UNC79: variants seen among roughly 807,000 people sequenced by gnomAD.
The protein encoded by UNC79 is unc-79 subunit of NALCN channel complex, also known as protein unc-79 homolog.
Under a neutral mutation model 283.1 loss-of-function variants are expected in UNC79, and 37 were observed. The ratio of observed to expected loss-of-function variants is 0.13; its 90% confidence interval spans 0.10 to 0.17. The LOEUF (loss-of-function observed/expected upper bound fraction) is 0.17, where lower values mean the gene tolerates loss of function less well. Ranked by LOEUF, UNC79 falls within the 10% of genes least tolerant of loss-of-function variation. The probability of loss-of-function intolerance (pLI) is 1.00; values close to 1 mark genes in which losing one functional copy is unlikely to be tolerated. For missense variants in UNC79, 2,272 were observed against 3,211.1 expected, an observed-to-expected ratio of 0.71 and a Z score of 7.07; for synonymous variants, 1,107 against 1,200.2, an observed-to-expected ratio of 0.92 and a Z score of 1.61.
chr14:93,435,965 T>TTA (rs2056072224), intron 1 of UNC79, among the ~76,000 whole-genome samples: 1 of 152,232 alleles, frequency 6.6e-6, no homozygotes, highest in South Asian at 2.1e-4. Context: ...TATGCCCTAT[T>TTA]TGTGTGGTCA....
At chr14:93,660,269 C>T (rs547269347) in intron 39 of UNC79, among the ~76,000 whole-genome samples, 12 of 152,008 alleles carry the variant, frequency 7.9e-5, no homozygotes, top group South Asian at 6.2e-4. Context: ...CATTTACAGA[C>T]GAGGAAACAG....
chr14:93,584,240 C>T (rs1209284695), intron 20 of UNC79, among the ~76,000 whole-genome samples: 3 of 152,208 alleles, frequency 2.0e-5, no homozygotes, highest in Admixed American at 2.0e-4. Context: ...CAACTTGCCC[C>T]TGGTCATGTC....
At chr14:93,377,362 G>A (rs1362397289) in intron 1 of UNC79, among the ~76,000 whole-genome samples, 1 of 152,060 alleles carries the variant, frequency 6.6e-6, no homozygotes, top group African/African-American at 2.4e-5. Flanking sequence ...CCAAAGTGCT[G>A]GGATTACAGG....
rs182577905 is a variant in UNC79 at position 93,658,382 on chromosome 14, C to T, written c.6457-811C>T. Among the ~76,000 whole-genome samples the T allele has an allele frequency of 4.3e-3, 657 of 152,280 alleles. 5 individuals are homozygous for T. The highest frequency in any genetic ancestry group is 0.015 in the African/African-American group (636 of 41,552). ...TGAGGATTTGCATTCTGGCACATTT[C>T]TAGCTGCTGGTTCTGGGATTCCACT... On this transcript the variant is annotated intron_variant, in intron 38 of 48. Transcript: ENST00000555664.
intron 42 of UNC79, among the ~76,000 whole-genome samples, chr14:93,683,156 A>G (rs2073972804): frequency 6.6e-6 from 1 of 151,994 alleles, no homozygotes; most frequent in African/African-American, 2.4e-5. Context: ...AGGGTTCTTG[A>G]TAATGTAATA....
intron 26 of UNC79, among the ~76,000 whole-genome samples, chr14:93,611,999 T>C (rs1166455872): frequency 6.6e-6 from 1 of 152,130 alleles, no homozygotes; most frequent in Non-Finnish European, 1.5e-5. Context: ...CTTTGAAAAA[T>C]AACAGAGAAA....
intron 1 of UNC79, among the ~76,000 whole-genome samples, chr14:93,389,924 GTTACA>G (rs2054851287): frequency 2.0e-5 from 3 of 152,140 alleles, no homozygotes; most frequent in Non-Finnish European, 4.4e-5. Context: ...AAGTGCTAGG[GTTACA>G]GGCGTGAGCC....
intron 1 of UNC79, among the ~76,000 whole-genome samples, chr14:93,360,378 A>G (rs2054194584): frequency 6.6e-6 from 1 of 152,054 alleles, no homozygotes; most frequent in African/African-American, 2.4e-5. Flanking sequence ...TCCCCAGTCA[A>G]CTCATTTGGC....
intron 1 of UNC79, among the ~76,000 whole-genome samples, chr14:93,408,323 C>A (rs2055267437): frequency 6.6e-6 from 1 of 152,132 alleles, no homozygotes; most frequent in South Asian, 2.1e-4. Flanking sequence ...ATGAAGAATA[C>A]CTTTGACTGG....
intron 30 of UNC79, among the ~76,000 whole-genome samples, chr14:93,625,556 C>T (rs1013704478): frequency 2.6e-5 from 4 of 152,166 alleles, no homozygotes; most frequent in African/African-American, 9.7e-5. Context: ...ACATTGCAGA[C>T]CTTATTATTT....
At chr14:93,588,520 C>T (rs1175057812) in intron 22 of UNC79, among the ~76,000 whole-genome samples, 1 of 151,976 alleles carries the variant, frequency 6.6e-6, no homozygotes, top group Admixed American at 6.6e-5. Flanking sequence ...GCCGGCGGAT[C>T]ACGAGGTCAG....
intron 1 of UNC79, among the ~76,000 whole-genome samples, chr14:93,361,926 C>T (rs2054236127): frequency 6.6e-6 from 1 of 152,130 alleles, no homozygotes; most frequent in South Asian, 2.1e-4. Flanking sequence ...TTATCAAAAG[C>T]CTTTTTTGAG....
exon 5 of UNC79, chr14:93,487,752 C>G: frequency 6.2e-7 from 1 of 1,612,034 alleles, no homozygotes; most frequent in Non-Finnish European, 8.5e-7. Context: ...CACATCCAAT[C>G]CAGGTAAGTG....
downstream of UNC79, chr14:93,707,589 TTTA>T (rs2075945026): frequency 6.6e-6 from 1 of 152,266 alleles, no homozygotes; most frequent in Non-Finnish European, 1.5e-5. Context: ...AATAATAAAT[TTTA>T]TTCTTTTGTT....
intron 14 of UNC79, among the ~76,000 whole-genome samples, chr14:93,564,367 A>C (rs1440828987): frequency 6.6e-6 from 1 of 152,208 alleles, no homozygotes; most frequent in Non-Finnish European, 1.5e-5. Flanking sequence ...GTTTTGTAGA[A>C]GGTGTTGGCA....
intron 1 of UNC79, among the ~76,000 whole-genome samples, chr14:93,397,732 T>G (rs1238622340): frequency 6.6e-6 from 1 of 151,398 alleles, no homozygotes; most frequent in Non-Finnish European, 1.5e-5. Context: ...CCTAATTCCA[T>G]TCTCATCCTT....
exon 20 of UNC79, chr14:93,582,241 C>G: frequency 6.2e-7 from 1 of 1,614,182 alleles, no homozygotes; most frequent in East Asian, 2.2e-5. Flanking sequence ...TCCTTTCTTC[C>G]AGACCAGAGT....
At chr14:93,605,516 A>G (rs1033719081) in intron 26 of UNC79, among the ~76,000 whole-genome samples, 1 of 152,188 alleles carries the variant, frequency 6.6e-6, no homozygotes, top group African/African-American at 2.4e-5. Context: ...ACAATTTATC[A>G]TGAAGTAGCC....
At chr14:93,652,908 C>T (rs771764441) in intron 35 of UNC79, among the ~76,000 whole-genome samples, 3 of 152,116 alleles carry the variant, frequency 2.0e-5, no homozygotes, top group Non-Finnish European at 4.4e-5. Flanking sequence ...GAAGGGTTCT[C>T]TCCTTCTCTA....
Sources: gnomAD v4.1 joint callset for allele counts (sites outside exome capture counted in the v4.1 genomes callset) on GRCh38, gnomAD v4.1.1 for gene constraint, MANE v1.5 for transcripts, NCBI Gene and HGNC (gene_info 2026-07-23, HGNC 2026-07-21) for gene names.